Variants in SHLD2 observed in about 807,000 individuals in gnomAD.
SHLD2 encodes shieldin complex subunit 2.
Under a neutral mutation model 73.2 loss-of-function variants are expected in SHLD2, and 30 were observed. The ratio of observed to expected loss-of-function variants is 0.41; its 90% CI spans 0.31 to 0.56. SHLD2 has a LOEUF of 0.56. Ranked by LOEUF, SHLD2 falls within the 20% of genes least tolerant of loss-of-function variation. The probability of loss-of-function intolerance (pLI) is 0.28; values close to 1 mark genes in which losing one functional copy is unlikely to be tolerated. For missense variants in SHLD2, 745 were observed against 1,055.9 expected, an observed-to-expected ratio of 0.71 and a Z score of 4.08; for synonymous variants, 285 against 370.1, an observed-to-expected ratio of 0.77 and a Z score of 2.64.
intron 2 of SHLD2, among the ~76,000 whole-genome samples, chr10:87,143,953 T>C (rs1845395295): frequency 6.8e-6 from 1 of 147,352 alleles, no homozygotes; most frequent in Non-Finnish European, 1.5e-5. Context: ...AACCTCCACC[T>C]CCTGGGTTCA....
chr10:87,098,288 C>T (rs1453469727), intron 2 of SHLD2, among the ~76,000 whole-genome samples: 4 of 151,434 alleles, frequency 2.6e-5, no homozygotes, highest in Non-Finnish European at 5.9e-5. Flanking sequence ...CTGAGGCGGG[C>T]GGATCACCTG....
chr10:87,129,109 G>T (rs1332927404), intron 2 of SHLD2, among the ~76,000 whole-genome samples: 3 of 151,168 alleles, frequency 2.0e-5, no homozygotes, highest in African/African-American at 7.3e-5. Flanking sequence ...TTGTTTTTTT[G>T]AGACAGAGTA....
intron 2 of SHLD2, among the ~76,000 whole-genome samples, chr10:87,120,228 GTATTTATTTATT>G (rs10623819): frequency 8.9e-5 from 13 of 145,344 alleles, no homozygotes; most frequent in East Asian, 5.9e-4. Context: ...AAGTGTTGAG[GTATTTATTTATT>G]TATTTATTTA....
At chr10:87,163,722 C>T (rs1368241145) in intron 4 of SHLD2, among the ~76,000 whole-genome samples, 3 of 150,058 alleles carry the variant, frequency 2.0e-5, no homozygotes, top group East Asian at 3.9e-4. Context: ...AAATTATAAA[C>T]AAGGGAAGGT....
At chr10:87,146,792 C>T (rs1440192907) in intron 2 of SHLD2, among the ~76,000 whole-genome samples, 1 of 151,844 alleles carries the variant, frequency 6.6e-6, no homozygotes, top group Non-Finnish European at 1.5e-5. Flanking sequence ...CGTGGTGGCT[C>T]ATGCCTCTAA....
intron 2 of SHLD2, among the ~76,000 whole-genome samples, chr10:87,130,249 A>G (rs914986269): frequency 1.3e-5 from 2 of 150,196 alleles, no homozygotes; most frequent in Admixed American, 1.4e-4. Flanking sequence ...GGCACCCTTC[A>G]TGTCAGCTTC....
At chr10:87,096,195 C>T (rs182255845) in intron 1 of SHLD2, among the ~76,000 whole-genome samples, 203 of 152,154 alleles carry the variant, frequency 1.3e-3, no homozygotes, top group African/African-American at 4.7e-3. Context: ...CAGGCCCGCG[C>T]CACCACGCCC....
At chr10:87,118,243 C>T (rs1360758507) in intron 2 of SHLD2, among the ~76,000 whole-genome samples, 1 of 152,058 alleles carries the variant, frequency 6.6e-6, no homozygotes, top group African/African-American at 2.4e-5. Flanking sequence ...CAGCATTTCC[C>T]CATCTTGTTT....
At chr10:87,181,225 A>AG (rs2134702416) in intron 8 of SHLD2, among the ~76,000 whole-genome samples, 1 of 150,766 alleles carries the variant, frequency 6.6e-6, no homozygotes, top group East Asian at 2.0e-4. Flanking sequence ...TACCAAAAAA[A>AG]AAAAAAAAAA....
At chr10:87,156,401 AC>A (rs1385389954) in intron 3 of SHLD2, among the ~76,000 whole-genome samples, 7 of 152,138 alleles carry the variant, frequency 4.6e-5, no homozygotes, top group African/African-American at 1.7e-4. Context: ...TGTATTCCAG[AC>A]CTTGTTGAAT....
chr10:87,137,507 T>C (rs1224544706), intron 2 of SHLD2, among the ~76,000 whole-genome samples: 2 of 151,562 alleles, frequency 1.3e-5, no homozygotes, highest in East Asian at 3.9e-4. Context: ...TGAAGACAGA[T>C]TGGAAAGAGA....
chr10:87,170,101 G>A (rs1265009302), intron 4 of SHLD2, among the ~76,000 whole-genome samples: 2 of 152,198 alleles, frequency 1.3e-5, no homozygotes, highest in African/African-American at 4.8e-5. Flanking sequence ...AGTTGGGAAA[G>A]CAGGATCAAA....
At chr10:87,129,615 G>T (rs1164005342) in intron 2 of SHLD2, among the ~76,000 whole-genome samples, 1 of 151,926 alleles carries the variant, frequency 6.6e-6, no homozygotes, top group Non-Finnish European at 1.5e-5. Context: ...ATTTCCAAGG[G>T]CTCTTTGGAA....
chr10:87,155,080 G>A (rs1177441236), intron 3 of SHLD2, among the ~76,000 whole-genome samples: 1 of 152,094 alleles, frequency 6.6e-6, no homozygotes, highest in African/African-American at 2.4e-5. Context: ...GACTACAGGC[G>A]CCTGCCACCG....
At chr10:87,176,379 G>C (rs1321404835) in intron 7 of SHLD2, among the ~76,000 whole-genome samples, 1 of 152,060 alleles carries the variant, frequency 6.6e-6, no homozygotes, top group Admixed American at 6.6e-5. Context: ...CAAACTCCTG[G>C]ACTCAAGTGA....
intron 8 of SHLD2, among the ~76,000 whole-genome samples, chr10:87,180,906 G>A (rs185531891): frequency 6.6e-5 from 10 of 151,940 alleles, no homozygotes; most frequent in Admixed American, 3.9e-4. Context: ...TAAATATTGC[G>A]GTATCTAAAA....
At chr10:87,106,402 T>A (rs1371742127) in intron 2 of SHLD2, among the ~76,000 whole-genome samples, 2 of 138,100 alleles carry the variant, frequency 1.4e-5, no homozygotes, top group African/African-American at 2.9e-5. Flanking sequence ...AATATATTTT[T>A]TTAACGCAAT....
At chr10:87,112,020 G>A (rs1329780489) in intron 2 of SHLD2, among the ~76,000 whole-genome samples, 2 of 151,242 alleles carry the variant, frequency 1.3e-5, no homozygotes, top group East Asian at 2.0e-4. Context: ...GGCGGATCAC[G>A]AGGTCAGGAG....
intron 6 of SHLD2, among the ~76,000 whole-genome samples, chr10:87,172,164 C>T (rs551892438): frequency 1.3e-5 from 2 of 152,130 alleles, no homozygotes; most frequent in Non-Finnish European, 2.9e-5. Context: ...ATCCAGCCCC[C>T]CTTATTTATA....
Sources: gnomAD v4.1 joint callset for allele counts (sites outside exome capture counted in the v4.1 genomes callset) on GRCh38, gnomAD v4.1.1 for gene constraint, MANE v1.5 for transcripts, NCBI Gene and HGNC (gene_info 2026-07-23, HGNC 2026-07-21) for gene names.